USP46: variants seen among roughly 807,000 people sequenced by gnomAD.
USP46 encodes the protein ubiquitin carboxyl-terminal hydrolase 46.
In USP46, 12 loss-of-function variants were observed where a neutral mutation model predicts 44.4. The observed-to-expected ratio is 0.27, with a 90% CI of 0.17 to 0.44. USP46 has a LOEUF of 0.44. Ranked by LOEUF, USP46 falls within the 20% of genes least tolerant of loss-of-function variation. The pLI, the probability that USP46 is intolerant of heterozygous loss-of-function variation, is 1.00. For missense variants in USP46, 248 were observed against 444.8 expected, an observed-to-expected ratio of 0.56 and a Z score of 3.98; for synonymous variants, 155 against 161.5, an observed-to-expected ratio of 0.96 and a Z score of 0.31.
At chr4:52,640,501 AATT>A (rs1196556600) in intron 1 of USP46, among the ~76,000 whole-genome samples, 1 of 152,166 alleles carries the variant, frequency 6.6e-6, no homozygotes, top group Non-Finnish European at 1.5e-5. Context: ...TACTATGAGC[AATT>A]ATTATTTTTT....
intron 1 of USP46, chr4:52,656,245 A>T: frequency 6.5e-7 from 1 of 1,537,926 alleles, no homozygotes; most frequent in Non-Finnish European, 8.8e-7. Flanking sequence ...AGGGTCAGTA[A>T]GAGGCCCACA....
chr4:52,623,702 G>C (rs536211094), intron 4 of USP46, among the ~76,000 whole-genome samples: 1 of 152,248 alleles, frequency 6.6e-6, no homozygotes, highest in African/African-American at 2.4e-5. Flanking sequence ...AAAGCAGGCA[G>C]ATTACTTGAG....
At chr4:52,621,687 T>C (rs1184846985) in intron 4 of USP46, among the ~76,000 whole-genome samples, 1 of 150,858 alleles carries the variant, frequency 6.6e-6, no homozygotes, top group Non-Finnish European at 1.5e-5. Flanking sequence ...CCTCTACTAA[T>C]GTAACTAACT....
intron 4 of USP46, among the ~76,000 whole-genome samples, chr4:52,622,532 A>G (rs1410600062): frequency 2.0e-5 from 3 of 152,190 alleles, no homozygotes; most frequent in Non-Finnish European, 1.5e-5. Context: ...ATTAATTATT[A>G]TATGTCAAAT....
At chr4:52,607,148 T>G (rs867475967) in intron 5 of USP46, among the ~76,000 whole-genome samples, 1 of 152,304 alleles carries the variant, frequency 6.6e-6, no homozygotes, top group Middle Eastern at 3.4e-3. Flanking sequence ...AAAAACTTAT[T>G]TGATTTGTAG....
At chr4:52,642,664 G>A (rs1409563517) in intron 1 of USP46, among the ~76,000 whole-genome samples, 1 of 152,184 alleles carries the variant, frequency 6.6e-6, no homozygotes, top group Non-Finnish European at 1.5e-5. Flanking sequence ...ATAAAATTGA[G>A]GTTGGGAGTC....
rs1033227299 is a variant in USP46, at chr4:52,591,120, G to C, written c.*6520C>G. 6.6e-6 allele frequency: 1 copy of C among 152,186 alleles called. No individual in the cohort carries two copies. The highest frequency in any genetic ancestry group is 1.5e-5 in the Non-Finnish European group (1 of 68,038). 9.4% of individuals were successfully genotyped at this position (152,186 alleles called of 1,614,324 possible). ...ACCTGGAGACAAGCTCTGAAGTACA[G>C]AGCTATCACCTGCTGCAGGAGGTGT... On this transcript the variant is annotated 3_prime_UTR_variant, in exon 9 of 9. Coordinates refer to ENST00000441222, the MANE Select transcript of USP46 (RefSeq NM_022832.4).
intron 5 of USP46, among the ~76,000 whole-genome samples, chr4:52,610,016 C>T (rs1716878916): frequency 7.1e-6 from 1 of 140,528 alleles, no homozygotes; most frequent in Admixed American, 7.5e-5. Context: ...AGCTCCGCCT[C>T]CCGGGTTCAC....
chr4:52,634,064 G>A (rs1708405129), intron 1 of USP46, among the ~76,000 whole-genome samples: 1 of 152,128 alleles, frequency 6.6e-6, no homozygotes, highest in Non-Finnish European at 1.5e-5. Flanking sequence ...CCTTGGCGCT[G>A]CTTCTAGACC....
chr4:52,612,727 AAC>A (rs1200962071), intron 4 of USP46, among the ~76,000 whole-genome samples: 1 of 152,348 alleles, frequency 6.6e-6, no homozygotes, highest in East Asian at 1.9e-4. Flanking sequence ...CTGAACTACA[AAC>A]ACACAAGTTT....
rs1023750965 is a variant in USP46, at chr4:52,652,009, T to C, written c.36+7106A>G. ...GCTTTGGTCTCCTTGATTTTCCTCT[T>C]CACTGTCCCTTCTTCATTGTCCCTG... is the stretch of plus-strand genomic sequence containing the variant. On this transcript the variant is annotated intron_variant, in intron 1 of 8. Coordinates refer to ENST00000441222, the MANE Select transcript of USP46 (RefSeq NM_022832.4). Among the ~76,000 whole-genome samples the C allele has an allele frequency of 3.3e-5, 5 of 152,188 alleles. No individual in the cohort carries two copies. In the East Asian group the frequency reaches 7.7e-4, roughly 23 times the overall value.
At chr4:52,611,729 A>G (rs1379638505) in intron 4 of USP46, among the ~76,000 whole-genome samples, 1 of 152,174 alleles carries the variant, frequency 6.6e-6, no homozygotes, top group Non-Finnish European at 1.5e-5. Context: ...TCTACTAAAA[A>G]TACAAAAAAT....
chr4:52,624,190 T>G (rs944216293), intron 4 of USP46, among the ~76,000 whole-genome samples: 1 of 152,172 alleles, frequency 6.6e-6, no homozygotes, highest in Non-Finnish European at 1.5e-5. Context: ...AATACCATAC[T>G]ACTGCCTCTA....
intron 1 of USP46, among the ~76,000 whole-genome samples, chr4:52,653,676 C>T (rs1441961892): frequency 2.6e-5 from 4 of 151,992 alleles, no homozygotes; most frequent in East Asian, 1.9e-4. Context: ...GACTAAAAGA[C>T]ACCATCTTTT....
intron 1 of USP46, among the ~76,000 whole-genome samples, chr4:52,638,134 T>C (rs1385438278): frequency 4.6e-5 from 7 of 152,126 alleles, no homozygotes; most frequent in Admixed American, 2.6e-4. Flanking sequence ...ATTAAGAACC[T>C]TGAGATGGGG....
At chr4:52,651,169 CA>C (rs541616267) in intron 1 of USP46, 4 of 151,504 alleles carry the variant, frequency 2.6e-5, no homozygotes, top group South Asian at 2.1e-4. Context: ...ATTTTACATT[CA>C]TTTTTTTAAA....
At position 52,594,133 on chromosome 4, in the gene USP46, T is replaced by A. The variant is rs1025472613; in HGVS notation, c.*3507A>T. ...CTTTATAAAAAGGATTTTAAGTCCA[T>A]GTGTGTAGCATTACCCGGATATAAT... On this transcript the variant is annotated 3_prime_UTR_variant, in exon 9 of 9. Coordinates refer to ENST00000441222, the MANE Select transcript of USP46 (RefSeq NM_022832.4). 6.6e-6 allele frequency: 1 copy of A among 152,236 alleles called. No individual in the cohort carries two copies. Among genetic ancestry groups the A allele is most frequent in the South Asian group, 2.1e-4 (1 of 4,834 alleles). The allele number at this position is 152,236 out of a possible 1,614,324, so 9.4% of individuals were successfully genotyped here.
intron 1 of USP46, among the ~76,000 whole-genome samples, chr4:52,632,943 A>AGAAAGAAAGAAAG (rs1491381402): frequency 1.4e-5 from 1 of 71,536 alleles, no homozygotes; most frequent in East Asian, 3.5e-4. Context: ...AAAGAAAGAA[A>AGAAAGAAAGAAAG]GAAAGAAAGA....
chr4:52,658,506 C>T (rs1414703318), intron 1 of USP46, among the ~76,000 whole-genome samples: 1 of 152,176 alleles, frequency 6.6e-6, no homozygotes, highest in Non-Finnish European at 1.5e-5. Context: ...GAGCCTTGTC[C>T]CTTTTTCACA....
Sources: allele counts gnomAD v4.1 joint callset (sites outside exome capture counted in the v4.1 genomes callset), GRCh38; gene constraint gnomAD v4.1.1; transcripts MANE v1.5; gene names NCBI Gene and HGNC (gene_info 2026-07-23, HGNC 2026-07-21).